MINDY3: variants seen among roughly 807,000 people sequenced by gnomAD.
The protein encoded by MINDY3 is MINDY lysine 48 deubiquitinase 3.
MINDY3 carries 38 observed loss-of-function variants against 69.2 expected under a neutral mutation model. The observed-to-expected ratio is 0.55, with a 90% CI of 0.42 to 0.72. The LOEUF is 0.72. MINDY3 is among the 30% of genes least tolerant of loss of function. MINDY3 has a pLI of 0.00. For synonymous variants in MINDY3, 192 were observed against 180.1 expected, an observed-to-expected ratio of 1.07 and a Z score of -0.53; for missense variants, 522 against 519.0, an observed-to-expected ratio of 1.01 and a Z score of -0.06.
intron 13 of MINDY3, among the ~76,000 whole-genome samples, chr10:15,783,814 T>C (rs1157508475): frequency 6.6e-6 from 1 of 152,188 alleles, no homozygotes; most frequent in Non-Finnish European, 1.5e-5. Context: ...AATTTGACTC[T>C]TGGCTATCAG....
At chr10:15,825,845 T>C (rs143851197) in intron 8 of MINDY3, among the ~76,000 whole-genome samples, 1 of 152,310 alleles carries the variant, frequency 6.6e-6, no homozygotes, top group East Asian at 1.9e-4. Context: ...TACTGATTTC[T>C]TTTTATAAAA....
At chr10:15,802,489 A>G (rs1838335451) in intron 10 of MINDY3, among the ~76,000 whole-genome samples, 1 of 152,076 alleles carries the variant, frequency 6.6e-6, no homozygotes, top group Non-Finnish European at 1.5e-5. Context: ...CACTATCAGA[A>G]GAACAGCATG....
rs1836310318 is a variant in MINDY3, at chr10:15,779,069, T to C, written c.1261A>G (p.Ile421Val). The change falls in exon 15 of 15, where the codon ATT becomes GTT. Residue 421 changes from isoleucine to valine, a missense_variant. Physicochemically the swap from Ile to Val is conservative, Grantham distance 29 (BLOSUM62 3). Transcript: ENST00000277632. The part of the protein sequence containing the change: ...DPMLQTDDTP[I>V]KRCLQTKWPY... ...CATTTGGTTTGCAGACAGCGTTTAATAGGAGTGTCATCTGTCTGTAGCATG... is the reference window on the plus strand; with the variant it reads ...CATTTGGTTTGCAGACAGCGTTTAACAGGAGTGTCATCTGTCTGTAGCATG... 1.9e-6 allele frequency: 3 copies of C among 1,613,688 alleles called. No homozygotes were observed. Among genetic ancestry groups the C allele is most frequent in the African/African-American group, 1.3e-5 (1 of 75,010 alleles).
chr10:15,802,378 C>T (rs570593528), intron 10 of MINDY3, among the ~76,000 whole-genome samples: 8 of 152,092 alleles, frequency 5.3e-5, no homozygotes, highest in African/African-American at 1.7e-4. Context: ...TCATGCCAGA[C>T]AGCGAAGGAG....
intron 4 of MINDY3, among the ~76,000 whole-genome samples, chr10:15,839,108 A>G (rs1833291152): frequency 6.6e-6 from 1 of 151,714 alleles, no homozygotes; most frequent in Non-Finnish European, 1.5e-5. Context: ...TATTTCATAA[A>G]GCAAATCTTA....
At chr10:15,854,070 A>G (rs942164485) in intron 1 of MINDY3, among the ~76,000 whole-genome samples, 1 of 152,134 alleles carries the variant, frequency 6.6e-6, no homozygotes, top group African/African-American at 2.4e-5. Context: ...CAAATCACTG[A>G]TGTATACTGT....
chr10:15,778,661 T>A lies in MINDY3; in HGVS notation c.*331A>T, dbSNP rs1017849309. 1.1e-5 allele frequency: 2 copies of A among 174,500 alleles called. No homozygotes were observed. The highest frequency in any genetic ancestry group is 4.7e-5 in the African/African-American group (2 of 42,262). 10.8% of individuals were successfully genotyped at this position (174,500 alleles called of 1,614,324 possible). On this transcript the variant is annotated 3_prime_UTR_variant, in exon 15 of 15. Transcript: ENST00000277632. ...AAACCCAAAAGTAGTTTATCAATAGTAACTGTGATACTTAATATACAAATG... is the reference window on the plus strand; with the variant it reads ...AAACCCAAAAGTAGTTTATCAATAGAAACTGTGATACTTAATATACAAATG...
At chr10:15,790,799 T>C (rs1588515727) in intron 11 of MINDY3, among the ~76,000 whole-genome samples, 2 of 152,160 alleles carry the variant, frequency 1.3e-5, no homozygotes, top group African/African-American at 2.4e-5. Context: ...CGGTGTCATA[T>C]TGGCACTCAA....
At chr10:15,824,278 G>A (rs371830651) in intron 8 of MINDY3, among the ~76,000 whole-genome samples, 1 of 151,872 alleles carries the variant, frequency 6.6e-6, no homozygotes, top group East Asian at 1.9e-4. Context: ...CTCTATCTTC[G>A]CCACACTTTT....
rs760088852 is a variant in MINDY3, at chr10:15,782,218, A to C, written c.1125T>G (p.Ser375Arg). 1.2e-6 allele frequency: 2 copies of C among 1,601,896 alleles called. No individual in the cohort carries two copies. The highest frequency in any genetic ancestry group is 2.7e-5 in the African/African-American group (2 of 74,486). Residue 375 changes from serine (S) to arginine (R), a missense_variant, in exon 14 of 15, where the codon AGT (serine) becomes AGG (arginine). Transcript: ENST00000277632. Reference sequence around the variant, plus strand: ...GGTAGACAGTAAAAGATTCTGGACCACTGGAGCCCTATTATAAATAAAGGA... The same window carrying C: ...GGTAGACAGTAAAAGATTCTGGACCCCTGGAGCCCTATTATAAATAAAGGA... ...LQEFFPDQGS[S>R]GPESFTVYHY...
chr10:15,814,395 T>A (rs892358916), intron 10 of MINDY3, among the ~76,000 whole-genome samples: 1 of 152,038 alleles, frequency 6.6e-6, no homozygotes, highest in East Asian at 1.9e-4. Flanking sequence ...TTAGGGGATA[T>A]AAACGTCACT....
intron 11 of MINDY3, among the ~76,000 whole-genome samples, chr10:15,791,673 G>C (rs1837429038): frequency 6.6e-6 from 1 of 152,042 alleles, no homozygotes; most frequent in African/African-American, 2.4e-5. Flanking sequence ...TTTACCAGTT[G>C]AATATCCAGA....
chr10:15,860,045 G>C (rs1005543976), intron 1 of MINDY3, among the ~76,000 whole-genome samples, 161 bp downstream of exon 1: 38 of 152,346 alleles, frequency 2.5e-4, no homozygotes, highest in African/African-American at 9.1e-4. Context: ...TCCCCACCAA[G>C]GCAAGGCAGG....
chr10:15,839,828 T>G (rs749703657), intron 4 of MINDY3, among the ~76,000 whole-genome samples: 1 of 151,700 alleles, frequency 6.6e-6, no homozygotes, highest in African/African-American at 2.4e-5. Flanking sequence ...GTTTACTTCA[T>G]GGCAACTTTT....
intron 10 of MINDY3, 76 bp from the exon 11 acceptor site, chr10:15,796,248 C>T: frequency 8.9e-7 from 1 of 1,123,050 alleles, no homozygotes; most frequent in South Asian, 1.3e-5. Context: ...CTAGGGTAGG[C>T]AGACATAATG....
chr10:15,790,342 G>A (rs1837315541), intron 11 of MINDY3, among the ~76,000 whole-genome samples: 1 of 152,052 alleles, frequency 6.6e-6, no homozygotes, highest in Non-Finnish European at 1.5e-5. Flanking sequence ...TTGACTAAAA[G>A]GTTATGAGTC....
chr10:15,822,362 G>C (rs1240520255), intron 8 of MINDY3, among the ~76,000 whole-genome samples: 1 of 152,176 alleles, frequency 6.6e-6, no homozygotes, highest in Non-Finnish European at 1.5e-5. Context: ...AGTGGTATGA[G>C]AGTATCTGCC....
chr10:15,826,444 C>G (rs932910449), intron 8 of MINDY3, among the ~76,000 whole-genome samples: 4 of 152,134 alleles, frequency 2.6e-5, no homozygotes, highest in African/African-American at 9.7e-5. Context: ...GAATATTTTT[C>G]ACTAAAGAAT....
At chr10:15,808,252 T>C (rs569584306) in intron 10 of MINDY3, among the ~76,000 whole-genome samples, 6 of 152,298 alleles carry the variant, frequency 3.9e-5, no homozygotes, top group African/African-American at 1.4e-4. Context: ...ATTTCCTTTC[T>C]GTATTAGATG....
Sources: allele counts gnomAD v4.1 joint callset (sites outside exome capture counted in the v4.1 genomes callset), GRCh38; gene constraint gnomAD v4.1.1; transcripts MANE v1.5; gene names NCBI Gene and HGNC (gene_info 2026-07-23, HGNC 2026-07-21).